Variants in PRELID2 observed in about 807,000 individuals in gnomAD.
PRELID2 encodes the protein PRELI domain containing 2.
PRELID2 carries 25 observed loss-of-function variants against 28.4 expected under a neutral mutation model. That is an observed-to-expected ratio of 0.88 (90% CI 0.64 to 1.23). The LOEUF is 1.23. Among genes scored for constraint, PRELID2 ranks in the 50% most tolerant of loss-of-function variants. The pLI is 0.00. For synonymous variants in PRELID2, 76 were observed against 71.6 expected, an observed-to-expected ratio of 1.06 and a Z score of -0.31; for missense variants, 201 against 214.4, an observed-to-expected ratio of 0.94 and a Z score of 0.39.
the PRELID2 span, among the ~76,000 whole-genome samples, chr5:145,318,631 G>A: frequency 3.3e-5 from 5 of 152,186 alleles, no homozygotes; most frequent in Admixed American, 2.6e-4. Flanking sequence ...CCTTACAGGA[G>A]GGGGAGCATG....
At chr5:145,460,705 G>A in the PRELID2 span, among the ~76,000 whole-genome samples, 1 of 152,132 alleles carries the variant, frequency 6.6e-6, no homozygotes, top group Admixed American at 6.6e-5. Flanking sequence ...AAGGTCACAG[G>A]AATTTAAATA....
At chr5:145,753,469 C>G (rs1475417888), downstream of PRELID2, among the ~76,000 whole-genome samples, 1 of 152,172 alleles carries the variant, frequency 6.6e-6, no homozygotes, top group Non-Finnish European at 1.5e-5. Context: ...TTAAGAGGCA[C>G]TGAGGCACTT....
chr5:145,315,220 C>T, the PRELID2 span, among the ~76,000 whole-genome samples: 1 of 151,770 alleles, frequency 6.6e-6, no homozygotes, highest in Admixed American at 6.6e-5. Flanking sequence ...CAGGCACGTG[C>T]CACCACGCCC....
intron 1 of PRELID2, among the ~76,000 whole-genome samples, chr5:145,706,513 C>G (rs908283634): frequency 6.6e-6 from 1 of 152,100 alleles, no homozygotes; most frequent in African/African-American, 2.4e-5. Context: ...TTCTATGGAG[C>G]AGCTCTGCCC....
intron 1 of PRELID2, among the ~76,000 whole-genome samples, chr5:145,739,552 A>G (rs6580383): frequency 0.82 from 124,065 of 151,744 alleles, 51,137 homozygotes; most frequent in East Asian, 0.88. Flanking sequence ...GAAAGAATAA[A>G]GTAAGAAAAA....
intron 1 of PRELID2, among the ~76,000 whole-genome samples, chr5:145,681,472 T>C (rs1754935077): frequency 6.6e-6 from 1 of 152,214 alleles, no homozygotes; most frequent in South Asian, 2.1e-4. Flanking sequence ...AGGATAAATG[T>C]TTATGAAGGC....
chr5:145,815,867 A>G (rs112154689), intron 4 of PRELID2, among the ~76,000 whole-genome samples: 1,799 of 152,186 alleles, frequency 0.012, 29 homozygotes, highest in African/African-American at 0.042. Flanking sequence ...AAAGTTTTGT[A>G]CAAGTTTTTG....
intron 1 of PRELID2, chr5:145,729,180 G>GT: frequency 3.0e-6 from 2 of 677,104 alleles, no homozygotes; most frequent in Admixed American, 4.2e-5. Context: ...AGTATCATTT[G>GT]TATCAGTGAT....
At chr5:145,791,499 C>T (rs1230965067) in intron 5 of PRELID2, among the ~76,000 whole-genome samples, 1 of 152,156 alleles carries the variant, frequency 6.6e-6, no homozygotes, top group Non-Finnish European at 1.5e-5. Context: ...TATGAGTCCA[C>T]TTATATGACA....
chr5:145,393,078 C>A, the PRELID2 span, among the ~76,000 whole-genome samples: 44 of 152,188 alleles, frequency 2.9e-4, no homozygotes, highest in Non-Finnish European at 5.9e-4. Flanking sequence ...TTGATTTCTA[C>A]TAATATGTGA....
intron 2 of PRELID2, among the ~76,000 whole-genome samples, chr5:145,472,902 A>G (rs1320967141): frequency 6.6e-6 from 1 of 152,146 alleles, no homozygotes; most frequent in Admixed American, 6.6e-5. Context: ...TCATTAAACT[A>G]TTATTTTCTA....
chr5:145,311,355 G>T, the PRELID2 span, among the ~76,000 whole-genome samples: 1 of 152,136 alleles, frequency 6.6e-6, no homozygotes, highest in Non-Finnish European at 1.5e-5. Context: ...GCCGAGAAGA[G>T]ACTTTTTTTG....
At chr5:145,594,338 GT>G (rs915746661) in intron 1 of PRELID2, among the ~76,000 whole-genome samples, 22 of 151,768 alleles carry the variant, frequency 1.4e-4, no homozygotes, top group Non-Finnish European at 2.9e-4. Flanking sequence ...TTTGTTTGGT[GT>G]TTTTTTTGTT....
the PRELID2 span, among the ~76,000 whole-genome samples, chr5:145,364,182 T>G: frequency 6.6e-6 from 1 of 151,964 alleles, no homozygotes; most frequent in African/African-American, 2.4e-5. Flanking sequence ...GAAAAGCTAT[T>G]TGGCTTAAAA....
At chr5:145,715,517 T>G (rs548518787) in intron 1 of PRELID2, among the ~76,000 whole-genome samples, 1 of 152,322 alleles carries the variant, frequency 6.6e-6, no homozygotes, top group South Asian at 2.1e-4. Context: ...GTTACTCTCC[T>G]ACTTAAAAAT....
At chr5:145,674,592 G>A (rs1347161) in intron 1 of PRELID2, among the ~76,000 whole-genome samples, 31,267 of 152,090 alleles carry the variant, frequency 0.21, 5,858 homozygotes, top group African/African-American at 0.49. Flanking sequence ...AAAATGATCA[G>A]ACTGGATCTA....
chr5:145,620,471 A>C (rs1427712705), intron 1 of PRELID2, among the ~76,000 whole-genome samples: 2 of 152,140 alleles, frequency 1.3e-5, no homozygotes, highest in African/African-American at 4.8e-5. Flanking sequence ...GATATTGAAA[A>C]TGGGGGATGC....
At chr5:145,322,433 AAACAAAAATTGAGAAGTCTG>A in the PRELID2 span, among the ~76,000 whole-genome samples, 1 of 152,190 alleles carries the variant, frequency 6.6e-6, no homozygotes, top group Non-Finnish European at 1.5e-5. Context: ...CCTCGTGGCT[AAACAAAAATTGAGAAGTCTG>A]AACATGTAGC....
At chr5:145,522,636 CT>C (rs1752572755) in intron 1 of PRELID2, among the ~76,000 whole-genome samples, 1 of 152,210 alleles carries the variant, frequency 6.6e-6, no homozygotes, top group Non-Finnish European at 1.5e-5. Flanking sequence ...ATACACTAGA[CT>C]TCACAAAGAC....
Sources: gnomAD v4.1 joint callset for allele counts (sites outside exome capture counted in the v4.1 genomes callset) on GRCh38, gnomAD v4.1.1 for gene constraint, MANE v1.5 for transcripts, NCBI Gene and HGNC (gene_info 2026-07-23, HGNC 2026-07-21) for gene names.